The following ENOSF1 variants were observed in gnomAD, a reference collection of about 807,000 sequenced individuals.
ENOSF1 encodes the protein enolase superfamily member 1.
ENOSF1 carries 73 observed loss-of-function variants against 68.2 expected under a neutral mutation model. That is an observed-to-expected ratio of 1.07 (90% confidence interval 0.89 to 1.30). The LOEUF is 1.30. Among genes scored for constraint, ENOSF1 ranks in the 50% most tolerant of loss-of-function variants. The pLI is 0.00. For synonymous variants in ENOSF1, 223 were observed against 210.4 expected, an observed-to-expected ratio of 1.06 and a Z score of -0.52; for missense variants, 589 against 554.5, an observed-to-expected ratio of 1.06 and a Z score of -0.62.
At chr18:667,505 T>C (rs865898175), downstream of ENOSF1, among the ~76,000 whole-genome samples, 2 of 38,826 alleles carry the variant, frequency 5.2e-5, 1 homozygote, top group African/African-American at 4.1e-4. Flanking sequence ...ATGGAGATGG[T>C]GATGGTGATG....
chr18:680,632 C>T (rs947410615), intron 11 of ENOSF1, among the ~76,000 whole-genome samples: 7 of 151,722 alleles, frequency 4.6e-5, no homozygotes, highest in Admixed American at 4.6e-4. Flanking sequence ...TACATGTAGC[C>T]ACCAGTCACA....
rs2077043830 is a variant in ENOSF1 at position 690,591 on chromosome 18, T to C, written c.576A>G (p.Thr192=). The C allele has an allele frequency of 2.5e-6, 4 of 1,614,064 alleles. No individual in the cohort carries two copies. Among genetic ancestry groups the C allele is most frequent in the South Asian group, 1.1e-5 (1 of 91,090 alleles). Reference sequence around the variant, plus strand: ...CTGAGTACCCCAGCCAGGCGCACGATGTCGTGTAAGCAGGGTATCCTTGTG... The same window carrying C: ...CTGAGTACCCCAGCCAGGCGCACGACGTCGTGTAAGCAGGGTATCCTTGTG... ...MLAQGYPAYT[T]SCAWLGYSDD... The change falls in exon 8 of 16, where the codon ACA becomes ACG. Residue 192 remains threonine, a synonymous_variant. Coordinates refer to ENST00000647584, the MANE Select transcript of ENOSF1 (RefSeq NM_017512.7).
chr18:710,769 TGAG>T (rs2079433929), intron 1 of ENOSF1, among the ~76,000 whole-genome samples: 1 of 152,214 alleles, frequency 6.6e-6, no homozygotes, highest in Non-Finnish European at 1.5e-5. Context: ...ATTTTACAGA[TGAG>T]AAACCTAGGC....
At chr18:682,715 C>CAAAAA (rs35814994) in intron 11 of ENOSF1, among the ~76,000 whole-genome samples, 6 of 56,654 alleles carry the variant, frequency 1.1e-4, no homozygotes, top group East Asian at 4.5e-4. Flanking sequence ...CTAAAAATAC[C>CAAAAA]AAAAAAAAAA....
downstream of ENOSF1, among the ~76,000 whole-genome samples, chr18:669,753 G>A (rs1034654133): frequency 7.4e-5 from 11 of 148,720 alleles, no homozygotes; most frequent in African/African-American, 2.5e-4. Context: ...GTTCCAGCTC[G>A]CTGCCACCTC....
At chr18:689,595 G>A (rs957679048) in intron 8 of ENOSF1, among the ~76,000 whole-genome samples, 1 of 152,120 alleles carries the variant, frequency 6.6e-6, no homozygotes, top group African/African-American at 2.4e-5. Flanking sequence ...ATGATTTAGA[G>A]AGGTGAACAG....
rs147693600 is a variant in ENOSF1, at chr18:678,499, T to C, written c.918+197A>G. 543 of 568,972 alleles carry C rather than the reference T, an allele frequency of 9.5e-4. 8 individuals carry two copies. The East Asian group carries it at 0.015, about 16-fold the overall frequency. The allele number at this position is 568,972 out of a possible 1,614,324, so 35.2% of individuals were successfully genotyped here. On this transcript the variant is annotated intron_variant, in intron 12 of 15. Transcript: ENST00000647584. The stretch of plus-strand genomic sequence containing the variant: ...AGATACCCGACCTTAGTCATATAAA[T>C]TGGAGAAATAGCCACAAACTTTTTC...
At chr18:703,236 A>G (rs1490274164) in intron 2 of ENOSF1, among the ~76,000 whole-genome samples, 1 of 151,932 alleles carries the variant, frequency 6.6e-6, no homozygotes, top group Non-Finnish European at 1.5e-5. Flanking sequence ...ATGGAGGAGG[A>G]GAGGGGAAGT....
chr18:686,186 C>A, intron 9 of ENOSF1, 178 bp from the exon 10 acceptor site: 1 of 597,278 alleles, frequency 1.7e-6, no homozygotes, highest in Non-Finnish European at 3.0e-6. Context: ...AACTTTATCT[C>A]TTCATTCAGT....
In ENOSF1 at chr18:688,562, C is replaced by A. The variant is rs750964544; in HGVS notation, c.653+12G>T. On this transcript the variant is annotated intron_variant, in intron 9 of 15. Coordinates refer to ENST00000647584, the MANE Select transcript of ENOSF1 (RefSeq NM_017512.7). The stretch of plus-strand genomic sequence containing the variant: ...CGCCAACTGGGAAAGTCAGGTCCAT[C>A]ATCACACTCACCTGGTCCAGCCATC... 6 of 1,614,054 alleles carry A rather than the reference C, an allele frequency of 3.7e-6. No individual in the cohort carries two copies. The South Asian group carries it at 6.6e-5, about 18-fold the overall frequency.
intron 10 of ENOSF1, among the ~76,000 whole-genome samples, chr18:684,743 C>T (rs2076454320): frequency 6.6e-6 from 1 of 152,142 alleles, no homozygotes; most frequent in Admixed American, 6.5e-5. Context: ...GCTTAAGGGA[C>T]AGCCCCTCAT....
intron 10 of ENOSF1, 148 bp from the exon 11 acceptor site, chr18:683,528 C>T: frequency 2.4e-6 from 2 of 850,892 alleles, no homozygotes; most frequent in Admixed American, 2.9e-5. Context: ...AGCACACGGC[C>T]CTAACAAAAA....
chr18:693,791 C>A, intron 5 of ENOSF1, 91 bp downstream of exon 5: 1 of 1,588,788 alleles, frequency 6.3e-7, no homozygotes, highest in South Asian at 1.2e-5. Context: ...ACAGATAGTC[C>A]TGAATATATT....
intron 2 of ENOSF1, among the ~76,000 whole-genome samples, chr18:705,732 G>C (rs2078856022): frequency 6.6e-6 from 1 of 152,086 alleles, no homozygotes; most frequent in African/African-American, 2.4e-5. Context: ...GAAAAGGCCG[G>C]GTGTGATGGC....
chr18:674,414 A>G lies in ENOSF1; in HGVS notation c.1231-8T>C. The G allele has an allele frequency of 6.3e-7, 1 of 1,595,012 alleles. No individual in the cohort carries two copies. Among genetic ancestry groups the G allele is most frequent in the Admixed American group, 1.7e-5 (1 of 57,258 alleles). On this transcript the variant is annotated splice_region_variant and splice_polypyrimidine_tract_variant and intron_variant, in intron 15 of 15. Coordinates refer to ENST00000647584, the MANE Select transcript of ENOSF1 (RefSeq NM_017512.7). Reference sequence around the variant, plus strand: ...TGTTGAGTAGCCGGGATCCTATCAAAGACCAAAAAAATGAGTCCTGTTAAC... The same window carrying G: ...TGTTGAGTAGCCGGGATCCTATCAAGGACCAAAAAAATGAGTCCTGTTAAC...
intron 1 of ENOSF1, among the ~76,000 whole-genome samples, chr18:708,023 C>CT (rs35107796): frequency 0.11 from 15,389 of 137,446 alleles, 1,015 homozygotes; most frequent in East Asian, 0.23. Flanking sequence ...CTATGACCAG[C>CT]TTTTTTTTTT....
At chr18:700,105 C>G (rs1216377465) in intron 2 of ENOSF1, among the ~76,000 whole-genome samples, 1 of 152,094 alleles carries the variant, frequency 6.6e-6, no homozygotes, top group Non-Finnish European at 1.5e-5. Context: ...AAGTGATGCC[C>G]CAAGCTTTTA....
At chr18:712,240 C>T in intron 1 of ENOSF1, 1 of 1,514,906 alleles carries the variant, frequency 6.6e-7, no homozygotes, top group Non-Finnish European at 8.8e-7. Flanking sequence ...AAGCGAGTGT[C>T]TCCCCCAGGC....
At chr18:663,020 G>A in the ENOSF1 span, among the ~76,000 whole-genome samples, 1 of 139,912 alleles carries the variant, frequency 7.1e-6, no homozygotes, top group Middle Eastern at 3.5e-3. Flanking sequence ...TAGTCCTTTG[G>A]GTATATACCC....
Sources: gnomAD v4.1 joint callset for allele counts (sites outside exome capture counted in the v4.1 genomes callset) on GRCh38, gnomAD v4.1.1 for gene constraint, MANE v1.5 for transcripts, NCBI Gene and HGNC (gene_info 2026-07-23, HGNC 2026-07-21) for gene names.